PARN: variants seen among roughly 807,000 people sequenced by gnomAD.
The protein encoded by PARN is poly(A)-specific ribonuclease PARN.
A neutral mutation model predicts 102.8 loss-of-function variants in PARN; 71 were observed. The ratio of observed to expected loss-of-function variants is 0.69; its 90% CI spans 0.57 to 0.84. The LOEUF (loss-of-function observed/expected upper bound fraction) is 0.84. PARN is among the 40% of genes least tolerant of loss of function. The pLI is 0.00. For synonymous variants in PARN, 261 were observed against 252.9 expected (o/e 1.03, Z -0.30); for missense variants, 782 against 760.9 (o/e 1.03, Z -0.33).
chr16:14,470,391 A>G (rs1259753577), intron 22 of PARN, among the ~76,000 whole-genome samples: 1 of 151,340 alleles, frequency 6.6e-6, no homozygotes. Flanking sequence ...ACTTTAATGA[A>G]ATAATTACAA....
chr16:14,482,646 G>T lies in PARN; in HGVS notation c.1662C>A (p.Arg554=). Residue 554 remains arginine, a synonymous_variant, in exon 22 of 24, where the codon CGC becomes CGA. Coordinates refer to ENST00000437198, the MANE Select transcript of PARN (RefSeq NM_002582.4). ...CAGCTGAGAGCTCTTACCTATTGTT[G>T]CGGTAATAGTGATTCTGCAGGGTGT... ...IPYTLQNHYY[R]NNSFTAPSTV... 6.2e-7 allele frequency: 1 copy of T among 1,600,070 alleles called. No individual in the cohort carries two copies. Among genetic ancestry groups the T allele is most frequent in the East Asian group, 2.2e-5 (1 of 44,560 alleles).
intron 7 of PARN, among the ~76,000 whole-genome samples, 156 bp from the exon 8 acceptor site, chr16:14,609,279 T>G (rs537869322): frequency 6.6e-6 from 1 of 152,324 alleles, no homozygotes; most frequent in East Asian, 1.9e-4. Flanking sequence ...AAGACTTTTT[T>G]AAAAATGCTT....
At chr16:14,541,112 G>C (rs1009397064) in intron 21 of PARN, among the ~76,000 whole-genome samples, 5 of 150,022 alleles carry the variant, frequency 3.3e-5, no homozygotes, top group African/African-American at 1.2e-4. Context: ...ACATCATGGC[G>C]AAACATCTTT....
chr16:14,497,133 C>T (rs1347668412), intron 21 of PARN, among the ~76,000 whole-genome samples: 1 of 152,136 alleles, frequency 6.6e-6, no homozygotes, highest in Admixed American at 6.5e-5. Context: ...GAAACCCACT[C>T]TCATACGTCC....
At chr16:14,483,321 T>C (rs115789055) in intron 21 of PARN, among the ~76,000 whole-genome samples, 488 of 152,330 alleles carry the variant, frequency 3.2e-3, no homozygotes, top group African/African-American at 0.01. Flanking sequence ...TGCAGTGTTT[T>C]ACATGCATTA....
intron 18 of PARN, among the ~76,000 whole-genome samples, chr16:14,563,476 TTGTGTGTGTG>T (rs56099416): frequency 0.13 from 18,706 of 143,632 alleles, 1,377 homozygotes; most frequent in East Asian, 0.2. Context: ...GAAAATTCCT[TTGTGTGTGTG>T]TGTGTGTGTG....
chr16:14,481,461 G>T (rs1161766006), intron 22 of PARN, among the ~76,000 whole-genome samples: 1 of 152,166 alleles, frequency 6.6e-6, no homozygotes, highest in Non-Finnish European at 1.5e-5. Flanking sequence ...TAGGGTCATG[G>T]GAATTGTAGT....
At chr16:14,490,278 G>A (rs944854977) in intron 21 of PARN, among the ~76,000 whole-genome samples, 3 of 152,208 alleles carry the variant, frequency 2.0e-5, no homozygotes, top group Admixed American at 1.3e-4. Flanking sequence ...AGGACACTGA[G>A]ACTCATAAAA....
chr16:14,598,695 T>C (rs1295477660), intron 12 of PARN, among the ~76,000 whole-genome samples: 11 of 152,228 alleles, frequency 7.2e-5, no homozygotes, highest in Admixed American at 7.2e-4. Flanking sequence ...AGAGAAGTCC[T>C]CGTGAGCCAA....
At chr16:14,507,344 AATTCTG>A (rs1180940095) in intron 21 of PARN, among the ~76,000 whole-genome samples, 3 of 150,916 alleles carry the variant, frequency 2.0e-5, no homozygotes, top group Non-Finnish European at 4.4e-5. Flanking sequence ...AAAAAGAAGA[AATTCTG>A]ATTCTGAAAC....
At chr16:14,534,867 T>G (rs1326565908) in intron 21 of PARN, among the ~76,000 whole-genome samples, 1 of 149,556 alleles carries the variant, frequency 6.7e-6, no homozygotes, top group African/African-American at 2.5e-5. Flanking sequence ...AGAATTTCAC[T>G]CTTGTTGCCC....
chr16:14,463,552 A>G (rs1054753180), intron 22 of PARN, among the ~76,000 whole-genome samples: 1 of 152,332 alleles, frequency 6.6e-6, no homozygotes, highest in Admixed American at 6.5e-5. Flanking sequence ...AAGGGTATTT[A>G]TAACTGCACT....
intron 5 of PARN, among the ~76,000 whole-genome samples, chr16:14,626,034 G>A (rs558114033): frequency 6.6e-6 from 1 of 152,208 alleles, no homozygotes; most frequent in East Asian, 1.9e-4. Context: ...ACCTCTAGAG[G>A]GAATATCCTG....
chr16:14,471,442 C>T (rs992958631), intron 22 of PARN, among the ~76,000 whole-genome samples: 13 of 152,156 alleles, frequency 8.5e-5, no homozygotes, highest in African/African-American at 3.1e-4. Flanking sequence ...TCTCCATTCT[C>T]AACCATCAAA....
chr16:14,464,637 A>G (rs1326302693), intron 22 of PARN, among the ~76,000 whole-genome samples: 1 of 152,044 alleles, frequency 6.6e-6, no homozygotes, highest in Non-Finnish European at 1.5e-5. Flanking sequence ...CACACCTGTA[A>G]TCCCAGCTAC....
chr16:14,557,292 G>A (rs1286698935), intron 18 of PARN, among the ~76,000 whole-genome samples: 2 of 150,332 alleles, frequency 1.3e-5, no homozygotes, highest in Non-Finnish European at 3.0e-5. Context: ...AGGCGCGGTG[G>A]CTCACACCTG....
intron 11 of PARN, among the ~76,000 whole-genome samples, chr16:14,600,201 C>T (rs1489664554): frequency 6.6e-6 from 1 of 152,062 alleles, no homozygotes; most frequent in Non-Finnish European, 1.5e-5. Flanking sequence ...ACTAAAAGAA[C>T]AATGCTTAGG....
At chr16:14,497,099 A>G (rs1964353159) in intron 21 of PARN, among the ~76,000 whole-genome samples, 2 of 152,160 alleles carry the variant, frequency 1.3e-5, no homozygotes, top group South Asian at 2.1e-4. Flanking sequence ...CAGTATCACT[A>G]AACAATACCT....
intron 21 of PARN, among the ~76,000 whole-genome samples, chr16:14,487,035 T>C (rs1401566281): frequency 6.6e-6 from 1 of 152,218 alleles, no homozygotes; most frequent in Non-Finnish European, 1.5e-5. Flanking sequence ...AACAGCACGG[T>C]CCGGGGTGGT....
Sources: allele counts gnomAD v4.1 joint callset (sites outside exome capture counted in the v4.1 genomes callset), GRCh38; gene constraint gnomAD v4.1.1; transcripts MANE v1.5; gene names NCBI Gene and HGNC (gene_info 2026-07-23, HGNC 2026-07-21).